The following CDH8 variants were observed in gnomAD, a reference collection of about 807,000 sequenced individuals.
The protein encoded by CDH8 is cadherin 8, also known as cadherin-8.
In CDH8, 17 loss-of-function variants were observed where a neutral mutation model predicts 68.1. The ratio of observed to expected loss-of-function variants is 0.25; its 90% CI spans 0.17 to 0.37. CDH8 has a LOEUF of 0.37. Among genes scored for constraint, CDH8 ranks in the 10% least tolerant of loss-of-function variants. The pLI is 1.00. For missense variants in CDH8, 763 were observed against 999.3 expected, an observed-to-expected ratio of 0.76 and a Z score of 3.19; for synonymous variants, 372 against 365.1, an observed-to-expected ratio of 1.02 and a Z score of -0.21.
At chr16:61,768,361 TCTCTCTCC>T (rs1960671367) in intron 8 of CDH8, among the ~76,000 whole-genome samples, 14 of 106,788 alleles carry the variant, frequency 1.3e-4, no homozygotes, top group African/African-American at 3.0e-4. Context: ...TCTCTCTCTC[TCTCTCTCC>T]CTTTCTCTCT....
In CDH8 at chr16:62,034,668, C is replaced by A. The variant is rs1246542894; in HGVS notation, c.-200+1412G>T. 2.0e-5 allele frequency among the ~76,000 whole-genome samples: 3 copies of A among 152,146 alleles called. No homozygotes were observed. In the South Asian group the frequency reaches 6.2e-4, roughly 32 times the overall value. On this transcript the variant is annotated intron_variant, in intron 1 of 11. Transcript: ENST00000577390. ...AAAGCAGCTGATCTGATTAGCAGCTCGGGCGCGCTAAGGGATTGTCGAATC... is the reference window on the plus strand; with the variant it reads ...AAAGCAGCTGATCTGATTAGCAGCTAGGGCGCGCTAAGGGATTGTCGAATC...
chr16:61,849,420 G>A (rs1418421214), intron 4 of CDH8, among the ~76,000 whole-genome samples: 1 of 152,054 alleles, frequency 6.6e-6, no homozygotes, highest in East Asian at 1.9e-4. Flanking sequence ...CCTGTCTATT[G>A]GCCTTGTGCC....
intron 2 of CDH8, among the ~76,000 whole-genome samples, chr16:61,969,616 A>C (rs1255859984): frequency 6.6e-6 from 1 of 152,220 alleles, no homozygotes; most frequent in African/African-American, 2.4e-5. Flanking sequence ...CATTTCATTC[A>C]TCAATTTAAC....
At chr16:61,766,147 C>T (rs1445939059) in intron 8 of CDH8, among the ~76,000 whole-genome samples, 1 of 151,568 alleles carries the variant, frequency 6.6e-6, no homozygotes, top group East Asian at 1.9e-4. Flanking sequence ...CCCTCCCACC[C>T]TACCCCCTTC....
chr16:61,810,001 G>A (rs756370901), intron 7 of CDH8, among the ~76,000 whole-genome samples: 13 of 152,086 alleles, frequency 8.5e-5, no homozygotes, highest in Admixed American at 2.6e-4. Flanking sequence ...AAATTTAAAC[G>A]GCATAAATGC....
chr16:62,017,659 AG>A (rs1468081329), intron 2 of CDH8, among the ~76,000 whole-genome samples: 22 of 152,322 alleles, frequency 1.4e-4, no homozygotes, highest in African/African-American at 5.3e-4. Flanking sequence ...TGAGTGACAG[AG>A]CAAGACCTTA....
chr16:61,684,384 C>A (rs146825952), intron 10 of CDH8, among the ~76,000 whole-genome samples: 1 of 151,584 alleles, frequency 6.6e-6, no homozygotes, highest in South Asian at 2.1e-4. Context: ...GAAGAAGAAC[C>A]CTGAGAGTTT....
chr16:61,749,893 A>G (rs1221572997), intron 8 of CDH8, among the ~76,000 whole-genome samples: 1 of 152,032 alleles, frequency 6.6e-6, no homozygotes, highest in East Asian at 1.9e-4. Context: ...ACCTTTTAAA[A>G]TATATATATT....
intron 10 of CDH8, among the ~76,000 whole-genome samples, chr16:61,675,145 C>T (rs1963877151): frequency 6.6e-6 from 1 of 151,844 alleles, no homozygotes; most frequent in Admixed American, 6.6e-5. Flanking sequence ...CAGCTAGAAA[C>T]ATGAATTTAA....
chr16:62,026,415 G>A (rs7499361), intron 1 of CDH8, among the ~76,000 whole-genome samples: 75,260 of 151,976 alleles, frequency 0.5, 19,721 homozygotes, highest in African/African-American at 0.67. Flanking sequence ...CACACTTTGC[G>A]AAGCAAGTAG....
intron 7 of CDH8, among the ~76,000 whole-genome samples, chr16:61,808,185 C>T (rs926394843): frequency 6.6e-6 from 1 of 152,062 alleles, no homozygotes; most frequent in South Asian, 2.1e-4. Flanking sequence ...GTTTCTTGTT[C>T]TTGCTTCTTC....
At chr16:62,002,850 A>G (rs746159706) in intron 2 of CDH8, among the ~76,000 whole-genome samples, 7 of 152,126 alleles carry the variant, frequency 4.6e-5, no homozygotes, top group East Asian at 3.9e-4. Context: ...TCAGGAAATC[A>G]AGACCATCCT....
chr16:61,820,674 T>A (rs1421785181), intron 6 of CDH8, among the ~76,000 whole-genome samples: 1 of 151,956 alleles, frequency 6.6e-6, no homozygotes, highest in East Asian at 1.9e-4. Flanking sequence ...TTCCTGTGGT[T>A]ATGGGTAATA....
At chr16:61,933,611 C>T (rs1303048211) in intron 2 of CDH8, among the ~76,000 whole-genome samples, 3 of 152,026 alleles carry the variant, frequency 2.0e-5, no homozygotes, top group Non-Finnish European at 4.4e-5. Flanking sequence ...AGCAGCAGCC[C>T]AAATGGAGAG....
intron 10 of CDH8, among the ~76,000 whole-genome samples, chr16:61,708,622 T>C (rs760148255): frequency 6.6e-6 from 1 of 152,244 alleles, no homozygotes; most frequent in African/African-American, 2.4e-5. Flanking sequence ...AACACAAATC[T>C]GTTTTATCTA....
intron 9 of CDH8, among the ~76,000 whole-genome samples, chr16:61,717,696 A>AT (rs1333149716): frequency 2.0e-5 from 3 of 151,476 alleles, no homozygotes; most frequent in African/African-American, 7.3e-5. Flanking sequence ...GTTCCTGTAG[A>AT]TATTATTTAT....
At chr16:61,706,661 A>G (rs973987137) in intron 10 of CDH8, among the ~76,000 whole-genome samples, 1 of 149,120 alleles carries the variant, frequency 6.7e-6, no homozygotes. Flanking sequence ...CTGGCTTGGC[A>G]TGTTCAAACC....
At chr16:61,906,841 G>C (rs1019451277) in intron 2 of CDH8, among the ~76,000 whole-genome samples, 2 of 152,132 alleles carry the variant, frequency 1.3e-5, no homozygotes, top group Non-Finnish European at 2.9e-5. Context: ...CAAAGCCCTC[G>C]CATTTCCTCA....
chr16:61,849,128 TA>T (rs1962884347), intron 4 of CDH8, among the ~76,000 whole-genome samples: 2 of 152,226 alleles, frequency 1.3e-5, no homozygotes, highest in African/African-American at 4.8e-5. Context: ...GCAAAGAACA[TA>T]AGAAAGGCAA....
Sources: gnomAD v4.1 joint callset for allele counts (sites outside exome capture counted in the v4.1 genomes callset) on GRCh38, gnomAD v4.1.1 for gene constraint, MANE v1.5 for transcripts, NCBI Gene and HGNC (gene_info 2026-07-23, HGNC 2026-07-21) for gene names.